ZFHX4: variants seen among roughly 807,000 people sequenced by gnomAD.
ZFHX4 encodes the protein zinc finger homeobox protein 4.
In ZFHX4, 56 loss-of-function variants were observed where a neutral mutation model predicts 267.6. That is an observed-to-expected ratio of 0.21 (90% CI 0.17 to 0.26). The LOEUF (loss-of-function observed/expected upper bound fraction) is 0.26, where lower values mean the gene tolerates loss of function less well. Among genes scored for constraint, ZFHX4 ranks in the 10% least tolerant of loss-of-function variants. The pLI, the probability that ZFHX4 is intolerant of heterozygous loss-of-function variation, is 1.00. For missense variants in ZFHX4, 4,332 were observed against 4,420.0 expected, an observed-to-expected ratio of 0.98 and a Z score of 0.56; for synonymous variants, 1,778 against 1,665.6, an observed-to-expected ratio of 1.07 and a Z score of -1.64.
At chr8:76,766,583 A>G (rs1810056527) in intron 3 of ZFHX4, among the ~76,000 whole-genome samples, 1 of 152,046 alleles carries the variant, frequency 6.6e-6, no homozygotes, top group South Asian at 2.1e-4. Flanking sequence ...TTGAATGCCT[A>G]TATTATTGGT....
At chr8:76,858,565 C>T (rs1010252011) in intron 10 of ZFHX4, among the ~76,000 whole-genome samples, 2 of 152,182 alleles carry the variant, frequency 1.3e-5, no homozygotes, top group African/African-American at 2.4e-5. Flanking sequence ...TGGGGCCCCA[C>T]CTGAGCGCCT....
At chr8:76,688,563 C>T (rs1001462734) in intron 1 of ZFHX4, among the ~76,000 whole-genome samples, 3 of 152,040 alleles carry the variant, frequency 2.0e-5, no homozygotes, top group East Asian at 1.9e-4. Context: ...TAGTAGGGTC[C>T]CCTGTCACTA....
chr8:76,809,715 A>T (rs889587852), intron 4 of ZFHX4, among the ~76,000 whole-genome samples: 1 of 152,142 alleles, frequency 6.6e-6, no homozygotes, highest in Non-Finnish European at 1.5e-5. Context: ...TCCCTTCTGA[A>T]ATTTCCATGT....
chr8:76,800,907 C>G (rs1054741032), intron 4 of ZFHX4, among the ~76,000 whole-genome samples: 1 of 152,146 alleles, frequency 6.6e-6, no homozygotes, highest in African/African-American at 2.4e-5. Flanking sequence ...TTCGGCCTCT[C>G]GAGCCTTCTA....
rs765278697 is a variant in ZFHX4 at position 76,853,968 on chromosome 8, A to G, written c.7047A>G (p.Thr2349=). 1 of 1,613,900 alleles carries G rather than the reference A, an allele frequency of 6.2e-7. No individual in the cohort carries two copies. The highest frequency in any genetic ancestry group is 8.5e-7 in the Non-Finnish European group (1 of 1,179,864). Residue 2349 remains threonine (T), a synonymous_variant, in exon 10 of 11, where the codon ACA becomes ACG. Transcript: ENST00000651372. The stretch of plus-strand genomic sequence containing the variant: ...ATGATGCCCAAGATGAAAGCCAAAC[A>G]GAAGACTCCATGGATGCCACTGATC... ...EDDDAQDESQ[T]EDSMDATDQV...
At chr8:76,819,191 C>T (rs1276749571) in intron 4 of ZFHX4, among the ~76,000 whole-genome samples, 3 of 136,356 alleles carry the variant, frequency 2.2e-5, no homozygotes, top group South Asian at 2.4e-4. Flanking sequence ...CATTTTTCCT[C>T]ATGATTTTAA....
At chr8:76,711,351 AAAC>A (rs1808418339) in intron 3 of ZFHX4, among the ~76,000 whole-genome samples, 1 of 152,312 alleles carries the variant, frequency 6.6e-6, no homozygotes, top group Admixed American at 6.5e-5. Flanking sequence ...TAGGAAAATA[AAAC>A]AATAAGATGA....
chr8:76,737,784 G>A (rs913296603), intron 3 of ZFHX4, among the ~76,000 whole-genome samples: 2 of 152,264 alleles, frequency 1.3e-5, no homozygotes, highest in Non-Finnish European at 2.9e-5. Context: ...GCAATTGCAT[G>A]TAGGATAGGC....
chr8:76,714,670 G>T (rs968445293), intron 3 of ZFHX4, among the ~76,000 whole-genome samples: 10 of 152,168 alleles, frequency 6.6e-5, no homozygotes, highest in African/African-American at 2.4e-4. Context: ...TTTACTTCTG[G>T]TAAATATAGA....
chr8:76,773,176 T>C (rs1336320500), intron 3 of ZFHX4, among the ~76,000 whole-genome samples: 1 of 152,114 alleles, frequency 6.6e-6, no homozygotes, highest in African/African-American at 2.4e-5. Context: ...TGCTACCTTC[T>C]CAAACTCCAT....
chr8:76,854,847 C>T lies in ZFHX4; in HGVS notation c.7926C>T (p.Val2642=), dbSNP rs765038614. 27 of 1,608,440 alleles carry T rather than the reference C, an allele frequency of 1.7e-5. No homozygotes were observed. Among genetic ancestry groups the T allele is most frequent in the African/African-American group, 2.7e-5 (2 of 74,414 alleles). ...TGCTTGATCATATTGCCCGCGAAGT[C>T]GGGCTGAAAAAAAGGGTCGTGCAAG... The part of the protein sequence containing the change: ...RKMLDHIARE[V]GLKKRVVQVW... The change falls in exon 10 of 11, where the codon GTC becomes GTT. Residue 2642 remains valine, a synonymous_variant. Transcript: ENST00000651372.
intron 1 of ZFHX4, among the ~76,000 whole-genome samples, chr8:76,694,180 G>T (rs1228376925): frequency 3.3e-5 from 5 of 152,104 alleles, no homozygotes; most frequent in African/African-American, 1.2e-4. Flanking sequence ...CTGGAACTTG[G>T]GTTCTAACAT....
intron 3 of ZFHX4, among the ~76,000 whole-genome samples, chr8:76,747,263 A>C (rs573080270): frequency 3.3e-4 from 51 of 152,272 alleles, no homozygotes; most frequent in Non-Finnish European, 6.6e-4. Context: ...ATTAAGCTCG[A>C]TTTTTGTTCC....
intron 5 of ZFHX4, among the ~76,000 whole-genome samples, chr8:76,840,560 A>G (rs1812208295): frequency 6.6e-6 from 1 of 152,142 alleles, no homozygotes; most frequent in Non-Finnish European, 1.5e-5. Context: ...TAGTGCCTTC[A>G]TAATTTTCTT....
chr8:76,725,909 C>A (rs2131647621), intron 3 of ZFHX4, among the ~76,000 whole-genome samples: 1 of 152,198 alleles, frequency 6.6e-6, no homozygotes, highest in South Asian at 2.1e-4. Context: ...CTGTTAATAC[C>A]AGTTAGCAGT....
chr8:76,802,765 C>A (rs755005211), intron 4 of ZFHX4, among the ~76,000 whole-genome samples: 5 of 152,046 alleles, frequency 3.3e-5, no homozygotes, highest in Non-Finnish European at 5.9e-5. Context: ...CAGCTTTAGG[C>A]CTCAGAATTA....
At chr8:76,791,029 T>C (rs1311417306) in intron 4 of ZFHX4, among the ~76,000 whole-genome samples, 2 of 152,160 alleles carry the variant, frequency 1.3e-5, no homozygotes, top group African/African-American at 4.8e-5. Context: ...CAAAAAACTT[T>C]CAATAAGTTC....
chr8:76,848,328 G>A (rs570804431), intron 6 of ZFHX4, among the ~76,000 whole-genome samples: 47 of 152,082 alleles, frequency 3.1e-4, no homozygotes, highest in Non-Finnish European at 4.7e-4. Context: ...TGCTGGTCTA[G>A]GCAAAATCTG....
In ZFHX4 at chr8:76,849,040, G is replaced by A; in HGVS notation, c.3557G>A (p.Gly1186Asp). Residue 1186 changes from glycine (G) to aspartate (D), a missense_variant, in exon 7 of 11, where the codon GGT (glycine) becomes GAT (aspartate). Around this residue, in one of 7 missense-constraint regions of ZFHX4, gnomAD observed 1,371 missense variants for 1,423.1 expected, o/e 0.96. Coordinates refer to ENST00000651372, the MANE Select transcript of ZFHX4 (RefSeq NM_024721.5). ...GAACTAAAAGTTAGTGTGGCAGGGG[G>A]TACCCAGCCACTCCTGCTGGCAAAA... ...EKELKVSVAG[G>D]TQPLLLAKEE... 6.4e-7 allele frequency: 1 copy of A among 1,562,018 alleles called. No individual in the cohort carries two copies. Among genetic ancestry groups the A allele is most frequent in the Non-Finnish European group, 8.7e-7 (1 of 1,152,776 alleles).
Sources: gnomAD v4.1 joint callset for allele counts (sites outside exome capture counted in the v4.1 genomes callset) on GRCh38, gnomAD v4.1.1 for gene constraint, gnomAD v4.1.1 regional missense constraint, MANE v1.5 for transcripts, NCBI Gene and HGNC (gene_info 2026-07-23, HGNC 2026-07-21) for gene names.